LHFPL7: variants seen among roughly 807,000 people sequenced by gnomAD.
LHFPL7 encodes the protein LHFPL tetraspan subfamily member 7.
the LHFPL7 span, among the ~76,000 whole-genome samples, chr22:24,941,602 G>GT: frequency 1.7e-3 from 168 of 96,522 alleles, no homozygotes; most frequent in African/African-American, 5.4e-3. Flanking sequence ...GCGTATATTT[G>GT]TTTTTTTTTT....
chr22:24,940,409 C>T, the LHFPL7 span, among the ~76,000 whole-genome samples: 3 of 149,310 alleles, frequency 2.0e-5, no homozygotes, highest in Non-Finnish European at 4.5e-5. Flanking sequence ...CTGGCTAACA[C>T]GGTGAAACTC....
At chr22:24,938,416 ATGCTCCCC>A in the LHFPL7 span, 1 of 1,519,136 alleles carries the variant, frequency 6.6e-7, no homozygotes, top group Non-Finnish European at 8.9e-7. Context: ...GGGCAGGTGG[ATGCTCCCC>A]TGCTCATTGA....
At chr22:24,936,150 C>A in the LHFPL7 span, among the ~76,000 whole-genome samples, 1 of 152,102 alleles carries the variant, frequency 6.6e-6, no homozygotes, top group Non-Finnish European at 1.5e-5. Flanking sequence ...TGTCCATCTG[C>A]TCATCCATCC....
chr22:24,939,574 T>C, the LHFPL7 span: 1 of 701,810 alleles, frequency 1.4e-6, no homozygotes, highest in South Asian at 1.5e-5. Context: ...CAGGGAAGAT[T>C]ACTAATGGAG....
the LHFPL7 span, among the ~76,000 whole-genome samples, chr22:24,944,400 A>G: frequency 6.6e-6 from 1 of 152,146 alleles, no homozygotes; most frequent in Non-Finnish European, 1.5e-5. Flanking sequence ...CTGAGCCTGA[A>G]GAAGGTGATG....
the LHFPL7 span, among the ~76,000 whole-genome samples, chr22:24,943,079 T>A: frequency 6.6e-6 from 1 of 151,676 alleles, no homozygotes; most frequent in East Asian, 1.9e-4. Flanking sequence ...GGGACAGTAT[T>A]TTTATGGGGT....
chr22:24,935,694 A>G, the LHFPL7 span: 1 of 1,436,534 alleles, frequency 7.0e-7, no homozygotes, highest in South Asian at 1.4e-5. Context: ...CCATCCATCT[A>G]TCCACCCACT....
the LHFPL7 span, chr22:24,935,178 C>CTTTCATTTTCCAGAAGAAAAT: frequency 1.0e-6 from 1 of 982,356 alleles, no homozygotes; most frequent in African/African-American, 1.6e-5. Flanking sequence ...ATGATTTCAA[C>CTTTCATTTTCCAGAAGAAAAT]TTTCATTTTC....
chr22:24,939,969 C>T, the LHFPL7 span, among the ~76,000 whole-genome samples: 5 of 139,914 alleles, frequency 3.6e-5, no homozygotes, highest in Non-Finnish European at 7.5e-5. Context: ...GCTCTGTCGC[C>T]CAGGCTGGAG....
the LHFPL7 span, chr22:24,935,471 C>G: frequency 6.2e-7 from 1 of 1,613,914 alleles, no homozygotes; most frequent in Non-Finnish European, 8.5e-7. Flanking sequence ...GGATAGCAGT[C>G]ATGTAACCCC....
the LHFPL7 span, among the ~76,000 whole-genome samples, chr22:24,946,417 A>ACCCT: frequency 2.1e-5 from 1 of 46,808 alleles, no homozygotes; most frequent in South Asian, 7.2e-4. Flanking sequence ...GCACCCACCC[A>ACCCT]CCCACCCACA....
At chr22:24,944,172 G>C in the LHFPL7 span, among the ~76,000 whole-genome samples, 1 of 152,120 alleles carries the variant, frequency 6.6e-6, no homozygotes, top group Non-Finnish European at 1.5e-5. Flanking sequence ...CTAGGTCCTG[G>C]AGGATTCAGC....
At chr22:24,944,849 C>T in the LHFPL7 span, among the ~76,000 whole-genome samples, 2 of 151,516 alleles carry the variant, frequency 1.3e-5, no homozygotes, top group Non-Finnish European at 2.9e-5. Flanking sequence ...CTTGCTGTGT[C>T]GCCAGGCTGG....
At chr22:24,940,461 G>T in the LHFPL7 span, among the ~76,000 whole-genome samples, 129 of 150,760 alleles carry the variant, frequency 8.6e-4, 1 homozygote, top group Non-Finnish European at 1.3e-3. Flanking sequence ...CCGGGCGTGG[G>T]AGCGGGCGCC....
At chr22:24,938,436 C>T in the LHFPL7 span, 4 of 1,422,522 alleles carry the variant, frequency 2.8e-6, no homozygotes, top group East Asian at 2.4e-5. Context: ...GCTCATTGAC[C>T]AGCTTCTGAG....
At chr22:24,943,312 ATCACG>A in the LHFPL7 span, among the ~76,000 whole-genome samples, 1 of 152,164 alleles carries the variant, frequency 6.6e-6, no homozygotes, top group East Asian at 1.9e-4. Context: ...ACCTGGGAAA[ATCACG>A]TCAACCGTCC....
At chr22:24,942,286 G>A in the LHFPL7 span, among the ~76,000 whole-genome samples, 1 of 152,180 alleles carries the variant, frequency 6.6e-6, no homozygotes, top group South Asian at 2.1e-4. Flanking sequence ...GAGCCACCGC[G>A]CCCGGCCTCA....
At chr22:24,945,865 A>G in the LHFPL7 span, among the ~76,000 whole-genome samples, 1 of 152,316 alleles carries the variant, frequency 6.6e-6, no homozygotes, top group South Asian at 2.1e-4. Context: ...GGTAAGTCCA[A>G]TTTCTGGATC....
the LHFPL7 span, among the ~76,000 whole-genome samples, chr22:24,936,786 G>T: frequency 9.7e-4 from 148 of 152,202 alleles, no homozygotes; most frequent in African/African-American, 3.5e-3. Flanking sequence ...CAAGAAGCTT[G>T]CCTTAACCCA....
Sources: allele counts gnomAD v4.1 joint callset (sites outside exome capture counted in the v4.1 genomes callset), GRCh38; gene constraint gnomAD v4.1.1; transcripts MANE v1.5; gene names NCBI Gene and HGNC (gene_info 2026-07-23, HGNC 2026-07-21).